Variants in SRGAP2 observed in about 807,000 individuals in gnomAD.
SRGAP2 encodes SLIT-ROBO Rho GTPase activating protein 2.
Under a neutral mutation model 57.2 loss-of-function variants are expected in SRGAP2, and 15 were observed. That is an observed-to-expected ratio of 0.26 (90% CI 0.18 to 0.40). The LOEUF (loss-of-function observed/expected upper bound fraction) is 0.40, where lower values mean the gene tolerates loss of function less well. Among genes scored for constraint, SRGAP2 ranks in the 10% least tolerant of loss-of-function variants. The probability of loss-of-function intolerance (pLI) is 1.00; values close to 1 mark genes in which losing one functional copy is unlikely to be tolerated. For missense variants in SRGAP2, 520 were observed against 669.6 expected (o/e 0.78, Z 2.47); for synonymous variants, 249 against 248.0 (o/e 1.00, Z -0.04).
intron 3 of SRGAP2, among the ~76,000 whole-genome samples, chr1:206,314,143 G>GTT (rs879046395): frequency 2.7e-5 from 4 of 147,802 alleles, no homozygotes; most frequent in Non-Finnish European, 6.0e-5. Flanking sequence ...TGTTGTTTGG[G>GTT]TTTTTTTTTA....
chr1:206,450,573 G>A, intron 19 of SRGAP2, 108 bp downstream of exon 19: 1 of 648,714 alleles, frequency 1.5e-6, no homozygotes, highest in Non-Finnish European at 2.8e-6. Flanking sequence ...GGTCCCCTGA[G>A]GGCAGGCAGA....
intron 15 of SRGAP2, among the ~76,000 whole-genome samples, chr1:206,437,323 A>G (rs1308165458): frequency 2.6e-5 from 4 of 152,206 alleles, no homozygotes; most frequent in African/African-American, 7.2e-5. Flanking sequence ...TGGGCGGTTT[A>G]TGGCTTCATC....
intron 3 of SRGAP2, among the ~76,000 whole-genome samples, chr1:206,327,125 G>A (rs1456963841): frequency 1.4e-4 from 21 of 152,196 alleles, no homozygotes; most frequent in Middle Eastern, 3.4e-3. Flanking sequence ...TCAGGAGTTC[G>A]AGACCAGCCT....
chr1:206,371,759 C>A (rs1654580589), intron 4 of SRGAP2, among the ~76,000 whole-genome samples: 1 of 85,110 alleles, frequency 1.2e-5, no homozygotes, highest in East Asian at 4.9e-4. Context: ...AAATATAGAT[C>A]TAAGTGAATA....
intron 2 of SRGAP2, among the ~76,000 whole-genome samples, chr1:206,239,075 T>A (rs529364158): frequency 4.0e-5 from 6 of 151,848 alleles, no homozygotes; most frequent in Admixed American, 1.3e-4. Flanking sequence ...CTATGGTCTT[T>A]TGTCCTTCCA....
chr1:206,291,277 AGGCAGTTAACT>A (rs1421440831), intron 2 of SRGAP2, among the ~76,000 whole-genome samples: 1 of 152,108 alleles, frequency 6.6e-6, no homozygotes, highest in African/African-American at 2.4e-5. Context: ...GAGTGAGCTT[AGGCAGTTAACT>A]GATCTCTCTG....
intron 19 of SRGAP2, among the ~76,000 whole-genome samples, chr1:206,451,842 G>A (rs943356376): frequency 2.2e-4 from 33 of 152,166 alleles, no homozygotes; most frequent in African/African-American, 8.0e-4. Context: ...AACTGAGGTG[G>A]GTATATTTAG....
chr1:206,420,432 T>G (rs1660193108), intron 12 of SRGAP2, among the ~76,000 whole-genome samples: 1 of 152,202 alleles, frequency 6.6e-6, no homozygotes, highest in African/African-American at 2.4e-5. Context: ...AAGAGCTGAG[T>G]TGAATTTCCC....
intron 3 of SRGAP2, among the ~76,000 whole-genome samples, chr1:206,322,418 CA>C (rs797032091): frequency 1.1e-3 from 158 of 137,926 alleles, no homozygotes; most frequent in Middle Eastern, 3.7e-3. Context: ...CTAAAAAATA[CA>C]AAAAAAAAAA....
intron 17 of SRGAP2, among the ~76,000 whole-genome samples, chr1:206,445,300 G>T (rs1000582038): frequency 4.6e-5 from 7 of 152,206 alleles, no homozygotes; most frequent in African/African-American, 1.4e-4. Flanking sequence ...GCCAAGGTTG[G>T]AGGTGTGGCT....
chr1:206,411,501 CT>C (rs1203747472), intron 10 of SRGAP2, among the ~76,000 whole-genome samples: 1 of 152,178 alleles, frequency 6.6e-6, no homozygotes. Flanking sequence ...ATTATGTATT[CT>C]ATCTGACAGC....
At chr1:206,438,850 T>G (rs1384497663) in intron 16 of SRGAP2, among the ~76,000 whole-genome samples, 1 of 152,242 alleles carries the variant, frequency 6.6e-6, no homozygotes, top group Non-Finnish European at 1.5e-5. Flanking sequence ...TGACCAGATC[T>G]TCATACCTGC....
chr1:206,418,072 TTAATC>T (rs1659902002), intron 11 of SRGAP2, among the ~76,000 whole-genome samples: 1 of 151,698 alleles, frequency 6.6e-6, no homozygotes, highest in Non-Finnish European at 1.5e-5. Context: ...GCAAATTGTC[TTAATC>T]TAAAGATGAC....
At chr1:206,384,711 G>A (rs2103066172) in intron 5 of SRGAP2, among the ~76,000 whole-genome samples, 1 of 150,674 alleles carries the variant, frequency 6.6e-6, no homozygotes, top group African/African-American at 2.5e-5. Context: ...CCTGTGGCTG[G>A]TGCGTGTTAA....
chr1:206,421,077 G>A (rs1321286432), intron 12 of SRGAP2, among the ~76,000 whole-genome samples, 173 bp from the exon 13 acceptor site: 1 of 152,172 alleles, frequency 6.6e-6, no homozygotes, highest in Non-Finnish European at 1.5e-5. Context: ...CCATTTCTGG[G>A]ACTGAACTGA....
intron 5 of SRGAP2, among the ~76,000 whole-genome samples, chr1:206,389,416 A>G (rs1656690552): frequency 6.6e-6 from 1 of 151,954 alleles, no homozygotes; most frequent in Non-Finnish European, 1.5e-5. Context: ...TGACCTCGTG[A>G]TCCGCCCGCC....
chr1:206,422,229 C>T (rs1660383403), intron 13 of SRGAP2, among the ~76,000 whole-genome samples: 2 of 152,214 alleles, frequency 1.3e-5, no homozygotes, highest in African/African-American at 4.8e-5. Flanking sequence ...ATTTCTTCAG[C>T]TCATCTGACT....
intron 2 of SRGAP2, among the ~76,000 whole-genome samples, chr1:206,286,669 G>T (rs1417764652): frequency 6.6e-6 from 1 of 152,178 alleles, no homozygotes; most frequent in Admixed American, 6.5e-5. Flanking sequence ...AGAGAGTGTC[G>T]GGGCACTTTC....
chr1:206,369,378 C>T (rs1181728131), intron 4 of SRGAP2, among the ~76,000 whole-genome samples: 6 of 150,740 alleles, frequency 4.0e-5, no homozygotes, highest in Admixed American at 6.6e-5. Context: ...AAAGCACAAG[C>T]GACAAAAGAA....
Sources: gnomAD v4.1 joint callset for allele counts (sites outside exome capture counted in the v4.1 genomes callset) on GRCh38, gnomAD v4.1.1 for gene constraint, MANE v1.5 for transcripts, NCBI Gene and HGNC (gene_info 2026-07-23, HGNC 2026-07-21) for gene names.